PPP4R4: variants seen among roughly 807,000 people sequenced by gnomAD.
The protein encoded by PPP4R4 is serine/threonine-protein phosphatase 4 regulatory subunit 4.
A neutral mutation model predicts 121.8 loss-of-function variants in PPP4R4; 70 were observed. The observed-to-expected ratio is 0.57, with a 90% confidence interval of 0.47 to 0.70. The LOEUF is 0.70. PPP4R4 is among the 30% of genes least tolerant of loss of function. The pLI is 0.00. For synonymous variants in PPP4R4, 348 were observed against 355.7 expected (o/e 0.98, Z 0.24); for missense variants, 875 against 1,033.6 (o/e 0.85, Z 2.10).
intron 23 of PPP4R4, among the ~76,000 whole-genome samples, chr14:94,267,486 G>C (rs1054277382): frequency 2.0e-5 from 3 of 152,144 alleles, no homozygotes; most frequent in African/African-American, 7.2e-5. Context: ...TGGCCAAATT[G>C]AACTCTGCTG....
chr14:94,174,475 C>T lies in PPP4R4; in HGVS notation c.10C>T (p.Pro4Ser). The T allele has an allele frequency of 2.5e-6, 4 of 1,603,800 alleles. No homozygotes were observed. In the Admixed American group the frequency reaches 5.0e-5, roughly 20 times the overall value. MHP[P>S]PPAAAMDFSQ... ...GAGTGCCCGGCGGTCCATGCATCCGCCGCCGCCCGCCGCCGCGATGGATTT... is the reference window on the plus strand; with the variant it reads ...GAGTGCCCGGCGGTCCATGCATCCGTCGCCGCCCGCCGCCGCGATGGATTT... The change falls in exon 1 of 25, where the codon CCG becomes TCG. Residue 4 changes from proline to serine, a missense_variant. Coordinates refer to ENST00000304338, the MANE Select transcript of PPP4R4 (RefSeq NM_058237.2).
intron 3 of PPP4R4, among the ~76,000 whole-genome samples, chr14:94,225,091 T>G (rs71431628): frequency 0.13 from 19,016 of 151,612 alleles, 1,302 homozygotes; most frequent in Admixed American, 0.21. Flanking sequence ...TAAATAGAAA[T>G]GTTGGGGTTA....
intron 2 of PPP4R4, among the ~76,000 whole-genome samples, chr14:94,180,898 C>G (rs2139377473): frequency 6.6e-6 from 1 of 152,036 alleles, no homozygotes; most frequent in East Asian, 1.9e-4. Context: ...TTTCTGCAGT[C>G]AAATCAGTGG....
intron 24 of PPP4R4, among the ~76,000 whole-genome samples, chr14:94,278,133 A>C (rs183848557): frequency 6.6e-6 from 1 of 152,320 alleles, no homozygotes; most frequent in Non-Finnish European, 1.5e-5. Context: ...GTGATTTTGG[A>C]AAGTATAATT....
chr14:94,277,917 T>A lies in PPP4R4; in HGVS notation c.2598-702T>A, dbSNP rs553777507. Among the ~76,000 whole-genome samples the A allele has an allele frequency of 2.6e-5, 4 of 152,348 alleles. No individual in the cohort carries two copies. The South Asian group carries it at 8.3e-4, about 32-fold the overall frequency. On this transcript the variant is annotated intron_variant, in intron 24 of 24. Coordinates refer to ENST00000304338, the MANE Select transcript of PPP4R4 (RefSeq NM_058237.2). ...ACGTTGATATCCACAGTTGCTTTTTTAACTTGTGACTGGGTATACAAGTTT... is the reference window on the plus strand; with the variant it reads ...ACGTTGATATCCACAGTTGCTTTTTAAACTTGTGACTGGGTATACAAGTTT...
At chr14:94,185,244 A>T (rs555931019) in intron 2 of PPP4R4, among the ~76,000 whole-genome samples, 116 of 152,336 alleles carry the variant, frequency 7.6e-4, no homozygotes, top group African/African-American at 2.7e-3. Context: ...TGGCTTTCAC[A>T]CTTGTAATCC....
At chr14:94,237,487 C>A in intron 7 of PPP4R4, 78 bp from the exon 8 acceptor site, 1 of 1,355,044 alleles carries the variant, frequency 7.4e-7, no homozygotes. Context: ...CAGCAACTAG[C>A]CCAGTCACTG....
chr14:94,245,125 T>C (rs1171785491), intron 12 of PPP4R4, among the ~76,000 whole-genome samples: 8 of 152,172 alleles, frequency 5.3e-5, no homozygotes, highest in South Asian at 4.1e-4. Flanking sequence ...CATTGTGTAG[T>C]ATTTTACCAC....
At chr14:94,203,494 T>C (rs547706350) in intron 2 of PPP4R4, among the ~76,000 whole-genome samples, 2 of 152,340 alleles carry the variant, frequency 1.3e-5, no homozygotes, top group African/African-American at 4.8e-5. Flanking sequence ...TGTTGTTGTT[T>C]TGTTCAAATA....
chr14:94,276,892 G>A lies in PPP4R4; in HGVS notation c.2597+1371G>A, dbSNP rs564458546. Among the ~76,000 whole-genome samples the A allele has an allele frequency of 3.3e-5, 5 of 152,258 alleles. No individual in the cohort carries two copies. The South Asian group carries it at 1.0e-3, about 32-fold the overall frequency. ...AAATGTAATAGTAATAGAAAAAAAT[G>A]AACATTGATATTACAGGTTAATGTC... On this transcript the variant is annotated intron_variant, in intron 24 of 24. Transcript: ENST00000304338.
chr14:94,187,719 G>A lies in PPP4R4; in HGVS notation c.191+11592G>A, dbSNP rs150744798. The stretch of plus-strand genomic sequence containing the variant: ...TCCTTAGTCTTCTCTTGGCTGTGAC[G>A]CTTTCTTCACTTTTCCTTATTTTTC... On this transcript the variant is annotated intron_variant, in intron 2 of 24. Transcript: ENST00000304338. 5.7e-3 allele frequency among the ~76,000 whole-genome samples: 859 copies of A among 151,590 alleles called. 4 individuals are homozygous for A. Among genetic ancestry groups the A allele is most frequent in the Non-Finnish European group, 8.9e-3 (604 of 67,904 alleles).
intron 3 of PPP4R4, among the ~76,000 whole-genome samples, chr14:94,212,346 C>T (rs1055538108): frequency 6.6e-6 from 1 of 152,010 alleles, no homozygotes; most frequent in African/African-American, 2.4e-5. Context: ...TTGAGCTAAT[C>T]CATCAGATTG....
At chr14:94,239,150 A>G (rs1032969535) in intron 8 of PPP4R4, among the ~76,000 whole-genome samples, 2 of 141,042 alleles carry the variant, frequency 1.4e-5, no homozygotes, top group East Asian at 2.1e-4. Flanking sequence ...TTCTTTCTCT[A>G]TTGTTTCCTT....
intron 2 of PPP4R4, among the ~76,000 whole-genome samples, chr14:94,185,839 A>G (rs1264609758): frequency 6.6e-6 from 1 of 152,090 alleles, no homozygotes; most frequent in East Asian, 1.9e-4. Context: ...TAAATAAACT[A>G]AGTTTATAGT....
chr14:94,259,956 C>A (rs1443096879), intron 19 of PPP4R4, among the ~76,000 whole-genome samples: 1 of 152,102 alleles, frequency 6.6e-6, no homozygotes, highest in Non-Finnish European at 1.5e-5. Flanking sequence ...TATCCATTCA[C>A]CTCTTTATGG....
At chr14:94,221,775 C>CTTTT (rs1345086648) in intron 3 of PPP4R4, among the ~76,000 whole-genome samples, 1 of 152,024 alleles carries the variant, frequency 6.6e-6, no homozygotes, top group Non-Finnish European at 1.5e-5. Flanking sequence ...TAAAATGGTA[C>CTTTT]AACAACTTTA....
At chr14:94,211,188 G>A (rs762397724) in intron 3 of PPP4R4, among the ~76,000 whole-genome samples, 33 of 152,296 alleles carry the variant, frequency 2.2e-4, no homozygotes, top group Non-Finnish European at 4.6e-4. Context: ...AACAAAAGAT[G>A]GGGGACTTGC....
intron 24 of PPP4R4, among the ~76,000 whole-genome samples, chr14:94,277,216 G>A (rs1362304371): frequency 1.3e-5 from 2 of 152,130 alleles, no homozygotes; most frequent in Non-Finnish European, 2.9e-5. Flanking sequence ...CAGGAGAATC[G>A]CTTCAACCCG....
intron 11 of PPP4R4, among the ~76,000 whole-genome samples, chr14:94,244,040 A>G (rs1255972443): frequency 6.6e-6 from 1 of 152,112 alleles, no homozygotes; most frequent in Non-Finnish European, 1.5e-5. Context: ...GGTGAAATAG[A>G]AACTGGTAAA....
Sources: allele counts gnomAD v4.1 joint callset (sites outside exome capture counted in the v4.1 genomes callset), GRCh38; gene constraint gnomAD v4.1.1; transcripts MANE v1.5; gene names NCBI Gene and HGNC (gene_info 2026-07-23, HGNC 2026-07-21).